The following VOPP1 variants were observed in gnomAD, a reference collection of about 807,000 sequenced individuals.
VOPP1 encodes the protein WW domain binding protein VOPP1.
Under a neutral mutation model 23.5 loss-of-function variants are expected in VOPP1, and 8 were observed. The observed-to-expected ratio is 0.34, with a 90% confidence interval of 0.20 to 0.61. The LOEUF (loss-of-function observed/expected upper bound fraction) is 0.61, where lower values mean the gene tolerates loss of function less well. Among genes scored for constraint, VOPP1 ranks in the 20% least tolerant of loss-of-function variants. The pLI is 0.78. For synonymous variants in VOPP1, 83 were observed against 97.3 expected (o/e 0.85, Z 0.86); for missense variants, 174 against 238.1 (o/e 0.73, Z 1.77).
Position 55,540,342 on chromosome 7 carries a change from G to A in VOPP1, c.55-19212C>T, listed in dbSNP as rs1353513784. On this transcript the variant is annotated intron_variant, in intron 1 of 4. Transcript: ENST00000285279. ...TAACCCTGGAGATGGATGTTGCAGT[G>A]AGCCGAGATCGCGCTACTGCACTCC... 6.6e-5 allele frequency among the ~76,000 whole-genome samples: 10 copies of A among 151,814 alleles called. No homozygotes were observed. The East Asian group carries it at 1.9e-3, about 29-fold the overall frequency.
chr7:55,516,046 G>C, intron 2 of VOPP1: 1 of 985,346 alleles, frequency 1.0e-6, no homozygotes, highest in Non-Finnish European at 1.2e-6. Flanking sequence ...TCAACTCGAG[G>C]AGAGAATGCA....
At chr7:55,538,163 C>G (rs755344026) in intron 1 of VOPP1, among the ~76,000 whole-genome samples, 1 of 152,218 alleles carries the variant, frequency 6.6e-6, no homozygotes, top group Non-Finnish European at 1.5e-5. Flanking sequence ...GCTCTCATTG[C>G]AGAAGTGTTT....
intron 1 of VOPP1, among the ~76,000 whole-genome samples, chr7:55,546,797 G>A (rs1208618640): frequency 5.3e-5 from 8 of 152,362 alleles, no homozygotes; most frequent in Middle Eastern, 6.8e-3. Context: ...AGGGAGGGGC[G>A]ATGGAGCAGA....
intron 4 of VOPP1, among the ~76,000 whole-genome samples, chr7:55,441,410 C>T (rs961012630): frequency 6.6e-6 from 1 of 152,088 alleles, no homozygotes; most frequent in African/African-American, 2.4e-5. Flanking sequence ...GACAAGCGCA[C>T]AGTTAAAAGT....
chr7:55,558,290 A>G (rs1173603442), intron 1 of VOPP1, among the ~76,000 whole-genome samples: 1 of 152,180 alleles, frequency 6.6e-6, no homozygotes, highest in Admixed American at 6.5e-5. Flanking sequence ...AGGTGGTTTC[A>G]TAGGTGCATG....
intron 2 of VOPP1, among the ~76,000 whole-genome samples, chr7:55,498,878 C>G (rs1490873375): frequency 6.6e-6 from 1 of 152,128 alleles, no homozygotes; most frequent in Non-Finnish European, 1.5e-5. Context: ...GGTTGTGCAC[C>G]CAGTAGGCCC....
At position 55,521,175 on chromosome 7, in the gene VOPP1, G is replaced by A. The variant is rs1208968721; in HGVS notation, c.55-45C>T. The A allele has an allele frequency of 3.9e-6, 6 of 1,532,890 alleles. No homozygotes were observed. The South Asian group carries it at 4.8e-5, about 12-fold the overall frequency. The allele number at this position is 1,532,890 out of a possible 1,614,324, so 95.0% of individuals were successfully genotyped here. A position where few individuals can be genotyped will look rare whatever the true frequency, so the allele number is the denominator to read the frequency against. On this transcript the variant is annotated intron_variant, in intron 1 of 4. Coordinates refer to ENST00000285279, the MANE Select transcript of VOPP1 (RefSeq NM_030796.5). Reference sequence around the variant, plus strand: ...AAAGTTTGTCAGTACTCAGGAATCTGCATGTTGTTGAGAAGCTCTCACAAA... The same window carrying A: ...AAAGTTTGTCAGTACTCAGGAATCTACATGTTGTTGAGAAGCTCTCACAAA...
chr7:55,488,056 T>A (rs897803048), intron 4 of VOPP1, among the ~76,000 whole-genome samples: 9 of 152,184 alleles, frequency 5.9e-5, no homozygotes, highest in African/African-American at 2.2e-4. Flanking sequence ...ATGAAGACAA[T>A]TTTTTCCTCT....
At chr7:55,515,850 A>T in intron 2 of VOPP1, 1 of 477,650 alleles carries the variant, frequency 2.1e-6, no homozygotes, top group Non-Finnish European at 2.7e-6. Context: ...ACGCCACCTT[A>T]GTCGGCAGCA....
intron 1 of VOPP1, among the ~76,000 whole-genome samples, chr7:55,540,276 T>C (rs1797061566): frequency 6.6e-6 from 1 of 151,946 alleles, no homozygotes; most frequent in South Asian, 2.1e-4. Flanking sequence ...TGCGTGCCTG[T>C]AGTCCCAGCT....
At chr7:55,444,048 T>C (rs1176563746) in intron 4 of VOPP1, among the ~76,000 whole-genome samples, 1 of 152,110 alleles carries the variant, frequency 6.6e-6, no homozygotes, top group Non-Finnish European at 1.5e-5. Flanking sequence ...AGAAGGAGTG[T>C]AGATCCATAA....
At chr7:55,450,617 C>T (rs985631320) in intron 4 of VOPP1, among the ~76,000 whole-genome samples, 12 of 151,794 alleles carry the variant, frequency 7.9e-5, no homozygotes, top group African/African-American at 2.9e-4. Flanking sequence ...TTTGATTAAT[C>T]TTTGTAATGA....
At chr7:55,479,458 T>C (rs1792538252) in intron 4 of VOPP1, among the ~76,000 whole-genome samples, 1 of 152,286 alleles carries the variant, frequency 6.6e-6, no homozygotes. Flanking sequence ...TGGTTTGAGG[T>C]TGTATCTGTT....
intron 4 of VOPP1, among the ~76,000 whole-genome samples, chr7:55,478,910 G>A (rs1457338670): frequency 1.3e-5 from 2 of 152,176 alleles, no homozygotes; most frequent in Admixed American, 1.3e-4. Flanking sequence ...GAGGACCCAG[G>A]CGGACCTCTC....
chr7:55,558,761 T>TA (rs1797890276), intron 1 of VOPP1, among the ~76,000 whole-genome samples: 1 of 152,172 alleles, frequency 6.6e-6, no homozygotes, highest in Non-Finnish European at 1.5e-5. Context: ...TCAGACTACA[T>TA]ACAGCCTCAA....
chr7:55,481,223 G>A (rs533780814), intron 4 of VOPP1, among the ~76,000 whole-genome samples: 5 of 152,354 alleles, frequency 3.3e-5, no homozygotes, highest in African/African-American at 4.8e-5. Context: ...GTGGCAGCAG[G>A]GGAGTGAGCC....
intron 4 of VOPP1, among the ~76,000 whole-genome samples, chr7:55,485,612 G>A (rs756688009): frequency 8.5e-5 from 13 of 152,216 alleles, no homozygotes; most frequent in Admixed American, 3.3e-4. Context: ...GCTGCAGGCC[G>A]GGGACAGCTG....
intron 2 of VOPP1, among the ~76,000 whole-genome samples, chr7:55,499,833 AC>A (rs926145927): frequency 2.0e-5 from 3 of 152,098 alleles, no homozygotes; most frequent in African/African-American, 7.2e-5. Flanking sequence ...GGAGTGAGAC[AC>A]CTGGTCTGGC....
chr7:55,556,280 A>C (rs1584115649), intron 1 of VOPP1, among the ~76,000 whole-genome samples: 2 of 152,168 alleles, frequency 1.3e-5, no homozygotes, highest in East Asian at 3.9e-4. Context: ...AATGACCCTG[A>C]CTCATTCCAC....
Sources: allele counts gnomAD v4.1 joint callset (sites outside exome capture counted in the v4.1 genomes callset), GRCh38; gene constraint gnomAD v4.1.1; transcripts MANE v1.5; gene names NCBI Gene and HGNC (gene_info 2026-07-23, HGNC 2026-07-21).